The following ABLIM2 variants were observed in gnomAD, a reference collection of about 807,000 sequenced individuals.
ABLIM2 encodes actin binding LIM protein family member 2, also known as actin-binding LIM protein 2.
Under a neutral mutation model 97.7 loss-of-function variants are expected in ABLIM2, and 53 were observed. The ratio of observed to expected loss-of-function variants is 0.54; its 90% confidence interval spans 0.44 to 0.68. The LOEUF is 0.68. ABLIM2 is among the 30% of genes least tolerant of loss of function. The pLI is 0.00. For synonymous variants in ABLIM2, 361 were observed against 345.8 expected, an observed-to-expected ratio of 1.04 and a Z score of -0.49; for missense variants, 835 against 867.2, an observed-to-expected ratio of 0.96 and a Z score of 0.47.
At chr4:7,995,093 C>T (rs1283024659) in intron 16 of ABLIM2, among the ~76,000 whole-genome samples, 2 of 139,678 alleles carry the variant, frequency 1.4e-5, no homozygotes, top group East Asian at 2.0e-4. Context: ...CATCACTGGC[C>T]ATCAGAGAAA....
In ABLIM2 at chr4:7,992,023, A is replaced by G. The variant is rs185389217; in HGVS notation, c.1680+843T>C. Among the ~76,000 whole-genome samples the G allele has an allele frequency of 3.9e-5, 6 of 152,048 alleles. No individual in the cohort carries two copies. Among genetic ancestry groups the G allele is most frequent in the Admixed American group, 3.9e-4 (6 of 15,270 alleles). On this transcript the variant is annotated intron_variant, in intron 17 of 20. Coordinates refer to ENST00000447017, the MANE Select transcript of ABLIM2 (RefSeq NM_001130083.2). This position sits in a 1 kb window ranked among gnomAD's most constrained non-coding sequence, Gnocchi z 5.7. ...GGTGAATTGCCTCTATTTATGAACA[A>G]ATTTCCAGACTGGGACGAGGCTGCC...
intron 7 of ABLIM2, among the ~76,000 whole-genome samples, chr4:8,055,216 G>T (rs1389487790): frequency 1.3e-5 from 2 of 152,172 alleles, no homozygotes; most frequent in Non-Finnish European, 2.9e-5. Context: ...TGTGCATGGG[G>T]GACTCAGTGA....
chr4:8,068,151 C>T lies in ABLIM2; in HGVS notation c.676-7097G>A, dbSNP rs151109418. On this transcript the variant is annotated intron_variant, in intron 6 of 20. Coordinates refer to ENST00000447017, the MANE Select transcript of ABLIM2 (RefSeq NM_001130083.2). This position sits in a 1 kb window ranked among gnomAD's most constrained non-coding sequence, Gnocchi z 4.5. ...CCCGAGGAGTGCCTGAAACCTCGGCCGCTGGTTGTTCCAGTGGGCGCACGG... is the reference window on the plus strand; with the variant it reads ...CCCGAGGAGTGCCTGAAACCTCGGCTGCTGGTTGTTCCAGTGGGCGCACGG... Among the ~76,000 whole-genome samples, 181 of 152,250 alleles carry T rather than the reference C, an allele frequency of 1.2e-3. No individual in the cohort carries two copies. Among genetic ancestry groups the T allele is most frequent in the African/African-American group, 4.0e-3 (165 of 41,540 alleles).
At chr4:8,006,974 T>C in intron 16 of ABLIM2, 1 of 969,112 alleles carries the variant, frequency 1.0e-6, no homozygotes, top group African/African-American at 1.8e-5. Flanking sequence ...GGCAGAGGCC[T>C]GAGGGGTGCA....
chr4:8,008,107 T>C lies in ABLIM2; in HGVS notation c.1570A>G (p.Thr524Ala), dbSNP rs1762578156. ...DTQSLSHSSG[T>A]DRDPLQRMAG... ...ATCCTTTGGAGAGGGTCTCTGTCGG[T>C]CCCGCTGCTGTGGGACAAGGACTGG... Residue 524 changes from threonine to alanine, a missense_variant, in exon 16 of 21, where the codon ACC becomes GCC. Coordinates refer to ENST00000447017, the MANE Select transcript of ABLIM2 (RefSeq NM_001130083.2). 1 of 1,614,026 alleles carries C rather than the reference T, an allele frequency of 6.2e-7. No individual in the cohort carries two copies. The highest frequency in any genetic ancestry group is 8.5e-7 in the Non-Finnish European group (1 of 1,179,902).
intron 6 of ABLIM2, among the ~76,000 whole-genome samples, chr4:8,064,728 G>A (rs762644836): frequency 2.0e-5 from 3 of 152,252 alleles, no homozygotes; most frequent in Non-Finnish European, 4.4e-5. Flanking sequence ...TCAAAACCAG[G>A]CAAAGCGATC....
Position 8,022,170 on chromosome 4 carries a change from C to T in ABLIM2, c.1268-1867G>A, listed in dbSNP as rs184686629. Among the ~76,000 whole-genome samples the T allele has an allele frequency of 6.6e-6, 1 of 152,352 alleles. No individual in the cohort carries two copies. Among genetic ancestry groups the T allele is most frequent in the East Asian group, 1.9e-4 (1 of 5,188 alleles). On this transcript the variant is annotated intron_variant, in intron 12 of 20. Transcript: ENST00000447017. The surrounding 1 kb of genome is among the most constrained non-coding windows in gnomAD (Gnocchi z 7.8). Reference sequence around the variant, plus strand: ...ACTCTGAACAGAGGAAGACGGTTTGCTTCAGGCACCATCTCTAAGCTGTGT... The same window carrying T: ...ACTCTGAACAGAGGAAGACGGTTTGTTTCAGGCACCATCTCTAAGCTGTGT...
chr4:8,117,872 G>C (rs574885711), intron 1 of ABLIM2, among the ~76,000 whole-genome samples: 1 of 152,324 alleles, frequency 6.6e-6, no homozygotes, highest in South Asian at 2.1e-4. Flanking sequence ...GCTCACTGTG[G>C]GAAGAGATGA....
intron 16 of ABLIM2, chr4:8,007,483 T>C (rs1363408668): frequency 4.1e-6 from 4 of 985,426 alleles, no homozygotes; most frequent in Non-Finnish European, 3.6e-6. Context: ...TTTTCACCTA[T>C]GATTTACAGC....
At chr4:7,971,707 C>A (rs185416090) in intron 20 of ABLIM2, among the ~76,000 whole-genome samples, 84 of 152,206 alleles carry the variant, frequency 5.5e-4, no homozygotes, top group African/African-American at 2.0e-3. Context: ...ACAGGTTGCC[C>A]TGGCCTACCC....
At chr4:8,050,128 T>A (rs1292745086) in intron 8 of ABLIM2, among the ~76,000 whole-genome samples, 1 of 152,222 alleles carries the variant, frequency 6.6e-6, no homozygotes, top group Non-Finnish European at 1.5e-5. Context: ...GTATTCTGAT[T>A]GATGTCTCGT....
intron 2 of ABLIM2, among the ~76,000 whole-genome samples, chr4:8,100,468 AG>A (rs1466391673): frequency 6.6e-6 from 1 of 152,122 alleles, no homozygotes; most frequent in Non-Finnish European, 1.5e-5. Flanking sequence ...AGATGAAGGC[AG>A]GGTGCGGTGG....
intron 5 of ABLIM2, among the ~76,000 whole-genome samples, chr4:8,078,197 T>C (rs1450189130): frequency 6.6e-6 from 1 of 151,868 alleles, no homozygotes; most frequent in Admixed American, 6.6e-5. Context: ...GACTTTACTG[T>C]CCCCCCTGCA....
At chr4:8,080,307 C>T (rs961507663) in intron 5 of ABLIM2, among the ~76,000 whole-genome samples, 2 of 152,196 alleles carry the variant, frequency 1.3e-5, no homozygotes, top group African/African-American at 4.8e-5. Context: ...TGCAGGACAT[C>T]CAGGCGCCGG....
At position 8,135,726 on chromosome 4, in the gene ABLIM2, G is replaced by C. The variant is rs555070947; in HGVS notation, c.10+22954C>G. 3.9e-5 allele frequency among the ~76,000 whole-genome samples: 6 copies of C among 152,348 alleles called. No individual in the cohort carries two copies. The East Asian group carries it at 1.2e-3, about 29-fold the overall frequency. On this transcript the variant is annotated intron_variant, in intron 1 of 20. Coordinates refer to ENST00000447017, the MANE Select transcript of ABLIM2 (RefSeq NM_001130083.2). ...GTGGATGAAGACAGATGCTCTCAAGGAGCGCAGATGACGCGGGTTCCGAAG... is the reference window on the plus strand; with the variant it reads ...GTGGATGAAGACAGATGCTCTCAAGCAGCGCAGATGACGCGGGTTCCGAAG...
intron 2 of ABLIM2, among the ~76,000 whole-genome samples, chr4:8,100,749 GAAAAAAA>G (rs57318831): frequency 6.0e-5 from 6 of 100,216 alleles, no homozygotes; most frequent in African/African-American, 8.1e-5. Context: ...TCCATCTCAG[GAAAAAAA>G]AAAAAAAAAA....
At position 8,068,997 on chromosome 4, in the gene ABLIM2, G is replaced by A. The variant is rs1168337065; in HGVS notation, c.676-7943C>T. Among the ~76,000 whole-genome samples, 1 of 152,276 alleles carries A rather than the reference G, an allele frequency of 6.6e-6. No individual in the cohort carries two copies. Among genetic ancestry groups the A allele is most frequent in the Non-Finnish European group, 1.5e-5 (1 of 68,042 alleles). The stretch of plus-strand genomic sequence containing the variant: ...AGGGGCCACTGCATCCCAGAAAGAA[G>A]GGCCCCACTCTGAGCAGTGCCCAGC... On this transcript the variant is annotated intron_variant, in intron 6 of 20. Coordinates refer to ENST00000447017, the MANE Select transcript of ABLIM2 (RefSeq NM_001130083.2). This position sits in a 1 kb window ranked among gnomAD's most constrained non-coding sequence, Gnocchi z 4.5.
rs1815088681 is a variant in ABLIM2 at position 8,075,036 on chromosome 4, AGCC to A, written c.675+2589_675+2591del. Among the ~76,000 whole-genome samples, 1 of 152,158 alleles carries A rather than the reference AGCC, an allele frequency of 6.6e-6. No individual in the cohort carries two copies. The highest frequency in any genetic ancestry group is 1.5e-5 in the Non-Finnish European group (1 of 68,016). ...CCTGACCTCGTGATCCGCCTGCCTC[AGCC>A]TCCCAAAGTGCTGGGATTACAGGCA... is the stretch of plus-strand genomic sequence containing the variant. On this transcript the variant is annotated intron_variant, in intron 6 of 20. Coordinates refer to ENST00000447017, the MANE Select transcript of ABLIM2 (RefSeq NM_001130083.2). The surrounding 1 kb of genome is among the most constrained non-coding windows in gnomAD (Gnocchi z 4.4).
chr4:8,014,004 G>C (rs1249665698), intron 14 of ABLIM2, among the ~76,000 whole-genome samples: 2 of 152,226 alleles, frequency 1.3e-5, no homozygotes. Flanking sequence ...TGTCCAGGGG[G>C]CCAGCAGAGG....
Sources: allele counts gnomAD v4.1 joint callset (sites outside exome capture counted in the v4.1 genomes callset), GRCh38; gene constraint gnomAD v4.1.1; non-coding constraint Gnocchi (gnomAD v3.1); transcripts MANE v1.5; gene names NCBI Gene and HGNC (gene_info 2026-07-23, HGNC 2026-07-21).